CCSER1: variants seen among roughly 807,000 people sequenced by gnomAD.
The protein encoded by CCSER1 is serine-rich coiled-coil domain-containing protein 1.
Under a neutral mutation model 82.0 loss-of-function variants are expected in CCSER1, and 41 were observed. The ratio of observed to expected loss-of-function variants is 0.50; its 90% CI spans 0.39 to 0.65. CCSER1 has a LOEUF of 0.65. Among genes scored for constraint, CCSER1 ranks in the 30% least tolerant of loss-of-function variants. The probability of loss-of-function intolerance (pLI) is 0.00; values close to 1 mark genes in which losing one functional copy is unlikely to be tolerated. For synonymous variants in CCSER1, 414 were observed against 383.9 expected (o/e 1.08, Z -0.92); for missense variants, 1,119 against 1,064.2 (o/e 1.05, Z -0.72).
chr4:90,413,087 A>C (rs1755146446), intron 4 of CCSER1, among the ~76,000 whole-genome samples: 1 of 152,212 alleles, frequency 6.6e-6, no homozygotes, highest in Non-Finnish European at 1.5e-5. Context: ...TGGTAAATGA[A>C]TTTAGCAAAG....
chr4:90,599,130 C>A (rs1314262017), intron 5 of CCSER1, among the ~76,000 whole-genome samples: 1 of 152,188 alleles, frequency 6.6e-6, no homozygotes, highest in East Asian at 1.9e-4. Context: ...GTAAAGACTG[C>A]AGGATCCTCC....
intron 9 of CCSER1, among the ~76,000 whole-genome samples, chr4:91,065,110 C>A (rs1720669558): frequency 6.6e-6 from 1 of 151,856 alleles, no homozygotes; most frequent in Admixed American, 6.6e-5. Context: ...GCCACAGTGG[C>A]CTTAGACCAT....
intron 10 of CCSER1, among the ~76,000 whole-genome samples, chr4:91,236,853 T>A (rs1002968420): frequency 1.2e-4 from 18 of 152,186 alleles, no homozygotes; most frequent in African/African-American, 4.1e-4. Context: ...GAAGCTAGAT[T>A]GAAATCCAGT....
intron 10 of CCSER1, among the ~76,000 whole-genome samples, chr4:91,158,126 C>T (rs1189009019): frequency 1.3e-5 from 2 of 151,962 alleles, no homozygotes; most frequent in Non-Finnish European, 1.5e-5. Context: ...GATTTCATGG[C>T]ATCAGTATTG....
chr4:90,749,128 A>G (rs1437009855), intron 7 of CCSER1, among the ~76,000 whole-genome samples: 4 of 151,750 alleles, frequency 2.6e-5, no homozygotes, highest in Non-Finnish European at 2.9e-5. Context: ...TATGTCCTGA[A>G]TGGTAATGCC....
At chr4:91,516,562 C>G (rs996697396) in intron 10 of CCSER1, among the ~76,000 whole-genome samples, 2 of 152,010 alleles carry the variant, frequency 1.3e-5, no homozygotes, top group Non-Finnish European at 2.9e-5. Flanking sequence ...TTCCATTGGT[C>G]TATATGTCTG....
chr4:90,733,262 A>G (rs1223575796), intron 7 of CCSER1, among the ~76,000 whole-genome samples: 1 of 152,078 alleles, frequency 6.6e-6, no homozygotes, highest in Non-Finnish European at 1.5e-5. Flanking sequence ...TGTAGTTTTG[A>G]TTTGCATTTC....
chr4:91,106,061 G>A (rs1433978600), intron 10 of CCSER1, among the ~76,000 whole-genome samples: 1 of 152,184 alleles, frequency 6.6e-6, no homozygotes, highest in Non-Finnish European at 1.5e-5. Flanking sequence ...CCTTCAGAAT[G>A]TTAGATAAGG....
At chr4:91,183,969 T>C (rs1381140201) in intron 10 of CCSER1, among the ~76,000 whole-genome samples, 1 of 152,210 alleles carries the variant, frequency 6.6e-6, no homozygotes, top group African/African-American at 2.4e-5. Context: ...TGTTTTTAAT[T>C]GATCCCTACG....
chr4:90,983,763 A>T (rs1364568672), intron 9 of CCSER1, among the ~76,000 whole-genome samples: 1 of 151,820 alleles, frequency 6.6e-6, no homozygotes, highest in Non-Finnish European at 1.5e-5. Context: ...TACCTAATAA[A>T]ATTTAACACT....
At chr4:91,205,793 G>A (rs900931939) in intron 10 of CCSER1, among the ~76,000 whole-genome samples, 2 of 151,368 alleles carry the variant, frequency 1.3e-5, no homozygotes, top group Non-Finnish European at 3.0e-5. Flanking sequence ...AAAAATAAAC[G>A]TTTTTTAAAA....
intron 10 of CCSER1, among the ~76,000 whole-genome samples, chr4:91,097,924 C>T (rs1724665895): frequency 6.6e-6 from 1 of 152,166 alleles, no homozygotes; most frequent in Non-Finnish European, 1.5e-5. Context: ...CACTAACTTT[C>T]TCTGCTGGAT....
chr4:91,389,701 G>A (rs1197615069), intron 10 of CCSER1, among the ~76,000 whole-genome samples: 2 of 151,972 alleles, frequency 1.3e-5, no homozygotes, highest in East Asian at 3.9e-4. Flanking sequence ...GAGCCTTTCT[G>A]TTCAGGAACA....
intron 7 of CCSER1, among the ~76,000 whole-genome samples, chr4:90,763,298 A>G (rs1380306212): frequency 2.0e-5 from 3 of 152,046 alleles, no homozygotes; most frequent in Admixed American, 6.6e-5. Context: ...GCAGTAGACT[A>G]CTAATCTTAC....
At chr4:91,488,709 C>T (rs1429857472) in intron 10 of CCSER1, among the ~76,000 whole-genome samples, 3 of 152,316 alleles carry the variant, frequency 2.0e-5, no homozygotes, top group Non-Finnish European at 4.4e-5. Flanking sequence ...GAGGCCTCCT[C>T]AGCCATGCTT....
intron 5 of CCSER1, among the ~76,000 whole-genome samples, chr4:90,501,979 G>A (rs1769951338): frequency 6.6e-6 from 1 of 151,974 alleles, no homozygotes; most frequent in Non-Finnish European, 1.5e-5. Flanking sequence ...AATTCTGTAG[G>A]TTTGTTTGAA....
At chr4:90,443,886 A>C in intron 4 of CCSER1, among the ~76,000 whole-genome samples, 1 of 152,194 alleles carries the variant, frequency 6.6e-6, no homozygotes, top group Admixed American at 6.6e-5. Context: ...CATATAGTTT[A>C]TATAAACATA....
intron 10 of CCSER1, among the ~76,000 whole-genome samples, chr4:91,283,175 T>A (rs1394226795): frequency 2.6e-5 from 4 of 152,104 alleles, no homozygotes; most frequent in Non-Finnish European, 5.9e-5. Context: ...AATTGCAATA[T>A]GTGTTTGTAC....
At chr4:90,956,458 G>C (rs1441828835) in intron 9 of CCSER1, among the ~76,000 whole-genome samples, 1 of 152,112 alleles carries the variant, frequency 6.6e-6, no homozygotes, top group Admixed American at 6.5e-5. Flanking sequence ...TCTTGAACAT[G>C]TCCCTAGTGA....
Sources: allele counts gnomAD v4.1 joint callset (sites outside exome capture counted in the v4.1 genomes callset), GRCh38; gene constraint gnomAD v4.1.1; transcripts MANE v1.5; gene names NCBI Gene and HGNC (gene_info 2026-07-23, HGNC 2026-07-21).